RNF13: variants seen among roughly 807,000 people sequenced by gnomAD.
RNF13 encodes the protein E3 ubiquitin-protein ligase RNF13.
Under a neutral mutation model 37.7 loss-of-function variants are expected in RNF13, and 19 were observed. That is an observed-to-expected ratio of 0.50 (90% confidence interval 0.35 to 0.74). The LOEUF (loss-of-function observed/expected upper bound fraction) is 0.74. Ranked by LOEUF, RNF13 falls within the 30% of genes least tolerant of loss-of-function variation. RNF13 has a pLI of 0.01. For synonymous variants in RNF13, 144 were observed against 157.8 expected (o/e 0.91, Z 0.65); for missense variants, 375 against 453.0 (o/e 0.83, Z 1.56).
chr3:149,887,142 C>T (rs368418451), intron 4 of RNF13, among the ~76,000 whole-genome samples: 7 of 152,276 alleles, frequency 4.6e-5, no homozygotes, highest in Non-Finnish European at 7.3e-5. Context: ...GCAGCAACCA[C>T]GCAATGCAGA....
intron 8 of RNF13, among the ~76,000 whole-genome samples, chr3:149,947,332 G>C (rs1243709672): frequency 6.6e-6 from 1 of 150,618 alleles, no homozygotes; most frequent in Non-Finnish European, 1.5e-5. Context: ...CTGTCTGGTT[G>C]TTCTATTCTT....
intron 4 of RNF13, among the ~76,000 whole-genome samples, chr3:149,875,804 A>G (rs1257449928): frequency 8.0e-5 from 2 of 24,986 alleles, no homozygotes; most frequent in East Asian, 2.5e-3. Context: ...ACACTGTTTT[A>G]CAAAAACTGT....
intron 2 of RNF13, among the ~76,000 whole-genome samples, chr3:149,849,171 A>C (rs1347060285): frequency 6.6e-6 from 1 of 152,234 alleles, no homozygotes; most frequent in Non-Finnish European, 1.5e-5. Context: ...CACTTAAGAG[A>C]GAACTACATC....
intron 3 of RNF13, among the ~76,000 whole-genome samples, chr3:149,870,501 G>T (rs969883913): frequency 2.0e-5 from 3 of 151,822 alleles, no homozygotes; most frequent in African/African-American, 7.2e-5. Context: ...TCATTTTGGA[G>T]CTGGAAGCCA....
At chr3:149,959,689 CAT>C (rs1032184933) in intron 8 of RNF13, among the ~76,000 whole-genome samples, 26 of 152,156 alleles carry the variant, frequency 1.7e-4, no homozygotes, top group Admixed American at 3.9e-4. Flanking sequence ...AGTATATTCT[CAT>C]GTTTCCATTT....
At chr3:149,913,177 C>T (rs1224884267) in intron 7 of RNF13, among the ~76,000 whole-genome samples, 1 of 151,886 alleles carries the variant, frequency 6.6e-6, no homozygotes, top group African/African-American at 2.4e-5. Flanking sequence ...TTATTTAGGC[C>T]TTTCCATCAG....
chr3:149,909,277 C>CT (rs397766921), intron 6 of RNF13, among the ~76,000 whole-genome samples: 7,078 of 140,002 alleles, frequency 0.051, 227 homozygotes, highest in African/African-American at 0.092. Flanking sequence ...TGCTCAAAAC[C>CT]TTTTTTTTTT....
rs1190634191 is a variant in RNF13 at position 149,824,127 on chromosome 3, C to T, written c.-17+10774C>T. Among the ~76,000 whole-genome samples, 3 of 152,154 alleles carry T rather than the reference C, an allele frequency of 2.0e-5. No homozygotes were observed. The East Asian group carries it at 5.8e-4, about 29-fold the overall frequency. ...ACAATTGGACATCAAAATGATAATACAATAGCAGATTATAACCCATTGAAT... is the reference window on the plus strand; with the variant it reads ...ACAATTGGACATCAAAATGATAATATAATAGCAGATTATAACCCATTGAAT... On this transcript the variant is annotated intron_variant, in intron 1 of 9. Transcript: ENST00000392894.
At chr3:149,827,740 C>T (rs1457047432) in intron 1 of RNF13, among the ~76,000 whole-genome samples, 1 of 152,108 alleles carries the variant, frequency 6.6e-6, no homozygotes, top group Admixed American at 6.6e-5. Context: ...CATAGGCAGG[C>T]TGCAAACACT....
intron 1 of RNF13, among the ~76,000 whole-genome samples, chr3:149,835,904 CCCAGTACTGGGATTGCT>C (rs1721579300): frequency 7.3e-6 from 1 of 137,600 alleles, no homozygotes; most frequent in Non-Finnish European, 1.5e-5. Context: ...TTGCTGGATT[CCCAGTACTGGGATTGCT>C]GGATCAAATG....
intron 3 of RNF13, among the ~76,000 whole-genome samples, chr3:149,866,807 A>G (rs1168688931): frequency 6.6e-6 from 1 of 152,126 alleles, no homozygotes; most frequent in East Asian, 1.9e-4. Flanking sequence ...TTGGTTATTC[A>G]GGAACATTTT....
chr3:149,911,702 T>C (rs1717015400), intron 6 of RNF13, among the ~76,000 whole-genome samples: 1 of 151,706 alleles, frequency 6.6e-6, no homozygotes, highest in Non-Finnish European at 1.5e-5. Context: ...ATAACATATC[T>C]CCAGGATAGA....
chr3:149,820,643 T>C (rs1719920613), intron 1 of RNF13, among the ~76,000 whole-genome samples: 1 of 152,218 alleles, frequency 6.6e-6, no homozygotes, highest in African/African-American at 2.4e-5. Flanking sequence ...ATTGCTTTTT[T>C]TGGAAAAAAA....
intron 4 of RNF13, among the ~76,000 whole-genome samples, chr3:149,883,680 C>T (rs529928673): frequency 4.6e-5 from 7 of 150,950 alleles, no homozygotes; most frequent in African/African-American, 7.3e-5. Flanking sequence ...TGCTTCTTGG[C>T]GTGTCTACCT....
At chr3:149,951,253 GCTGT>G (rs1449964898) in intron 8 of RNF13, among the ~76,000 whole-genome samples, 5 of 152,142 alleles carry the variant, frequency 3.3e-5, no homozygotes, top group Non-Finnish European at 5.9e-5. Context: ...CTTTGTATTT[GCTGT>G]CTGTCAGAAA....
intron 6 of RNF13, among the ~76,000 whole-genome samples, chr3:149,911,022 A>G (rs891440076): frequency 6.6e-6 from 1 of 152,204 alleles, no homozygotes; most frequent in Non-Finnish European, 1.5e-5. Flanking sequence ...ACCTTACAAC[A>G]TACACATTTC....
At chr3:149,822,835 T>A (rs1173398305) in intron 1 of RNF13, among the ~76,000 whole-genome samples, 1 of 152,096 alleles carries the variant, frequency 6.6e-6, no homozygotes, top group Non-Finnish European at 1.5e-5. Context: ...ACCATATTTA[T>A]CGCAGAGTCT....
chr3:149,848,514 C>T (rs1722850148), intron 2 of RNF13, among the ~76,000 whole-genome samples: 1 of 152,090 alleles, frequency 6.6e-6, no homozygotes, highest in African/African-American at 2.4e-5. Flanking sequence ...ATAAGAGCAC[C>T]TCCTTTTAAT....
chr3:149,896,088 T>A (rs1000172288), intron 5 of RNF13, among the ~76,000 whole-genome samples: 9 of 152,178 alleles, frequency 5.9e-5, no homozygotes, highest in Admixed American at 5.2e-4. Context: ...ACGAGCCAAT[T>A]TTAGTGGCAT....
Sources: allele counts gnomAD v4.1 joint callset (sites outside exome capture counted in the v4.1 genomes callset), GRCh38; gene constraint gnomAD v4.1.1; transcripts MANE v1.5; gene names NCBI Gene and HGNC (gene_info 2026-07-23, HGNC 2026-07-21).